The following GLIS3 variants were observed in gnomAD, a reference collection of about 807,000 sequenced individuals.
GLIS3 encodes zinc finger protein GLIS3.
GLIS3 carries 53 observed loss-of-function variants against 78.6 expected under a neutral mutation model. The ratio of observed to expected loss-of-function variants is 0.67; its 90% CI spans 0.54 to 0.85. GLIS3 has a LOEUF of 0.85. Among genes scored for constraint, GLIS3 ranks in the 40% least tolerant of loss-of-function variants. GLIS3 has a pLI of 0.00. For missense variants in GLIS3, 1,703 were observed against 1,231.1 expected, an observed-to-expected ratio of 1.38 and a Z score of -5.74; for synonymous variants, 684 against 509.9, an observed-to-expected ratio of 1.34 and a Z score of -4.60.
intron 4 of GLIS3, among the ~76,000 whole-genome samples, chr9:4,029,508 G>C (rs1453777872): frequency 6.6e-6 from 1 of 152,112 alleles, no homozygotes; most frequent in South Asian, 2.1e-4. Context: ...ATTGACTATG[G>C]TGACACCGTG....
At chr9:3,896,670 T>TAATTAAAAAAAAAA (rs756694471) in intron 7 of GLIS3, among the ~76,000 whole-genome samples, 1 of 49,982 alleles carries the variant, frequency 2.0e-5, no homozygotes, top group Admixed American at 3.6e-4. Flanking sequence ...CCATCTCAAT[T>TAATTAAAAAAAAAA]AAAAAAAAAA....
intron 2 of GLIS3, among the ~76,000 whole-genome samples, chr9:4,274,782 G>A (rs1826835947): frequency 6.6e-6 from 1 of 152,174 alleles, no homozygotes; most frequent in African/African-American, 2.4e-5. Flanking sequence ...CTGTGCACAT[G>A]AATCACCTGG....
chr9:3,944,307 A>G (rs1816142740), intron 4 of GLIS3, among the ~76,000 whole-genome samples: 1 of 152,252 alleles, frequency 6.6e-6, no homozygotes, highest in Admixed American at 6.5e-5. Flanking sequence ...GTTTGTAACA[A>G]TCGAAAGGTT....
At chr9:4,332,557 G>T (rs1464267434) in intron 2 of GLIS3, among the ~76,000 whole-genome samples, 1 of 152,212 alleles carries the variant, frequency 6.6e-6, no homozygotes, top group Non-Finnish European at 1.5e-5. Flanking sequence ...CACCCAGATG[G>T]AAGCTCCACA....
chr9:4,113,329 T>A (rs927904826), intron 4 of GLIS3, among the ~76,000 whole-genome samples: 1 of 152,174 alleles, frequency 6.6e-6, no homozygotes, highest in African/African-American at 2.4e-5. Flanking sequence ...TGCCACCATA[T>A]ACAAAAGCTT....
chr9:3,869,266 G>GGGGT (rs374383073), intron 8 of GLIS3, among the ~76,000 whole-genome samples: 2 of 151,146 alleles, frequency 1.3e-5, no homozygotes, highest in African/African-American at 4.9e-5. Flanking sequence ...AATTATCTAG[G>GGGGT]GTGTGTGTGT....
intron 2 of GLIS3, among the ~76,000 whole-genome samples, chr9:4,223,363 T>A (rs1049995726): frequency 1.4e-4 from 21 of 152,176 alleles, no homozygotes; most frequent in African/African-American, 4.6e-4. Context: ...ATATTTACAT[T>A]CTACGATTCA....
the GLIS3 span, among the ~76,000 whole-genome samples, chr9:4,390,222 T>C: frequency 6.0e-4 from 92 of 152,372 alleles, no homozygotes; most frequent in East Asian, 0.015. Flanking sequence ...GCAGCTGAAG[T>C]ATGCAATCAC....
At chr9:4,120,750 T>C (rs1166135663) in intron 3 of GLIS3, among the ~76,000 whole-genome samples, 1 of 152,244 alleles carries the variant, frequency 6.6e-6, no homozygotes, top group Non-Finnish European at 1.5e-5. Context: ...CCTGAATGGA[T>C]GCACATTCTC....
chr9:4,184,138 A>G (rs1165969831), intron 2 of GLIS3, among the ~76,000 whole-genome samples: 1 of 152,230 alleles, frequency 6.6e-6, no homozygotes, highest in Non-Finnish European at 1.5e-5. Flanking sequence ...ATTTACATAT[A>G]ATTAATCACA....
intron 2 of GLIS3, among the ~76,000 whole-genome samples, chr9:4,269,782 G>T (rs555437152): frequency 2.0e-5 from 3 of 151,954 alleles, no homozygotes; most frequent in East Asian, 3.8e-4. Flanking sequence ...TAATAAAGAG[G>T]GTAAAAAAAT....
intron 2 of GLIS3, among the ~76,000 whole-genome samples, chr9:4,196,906 G>C (rs549268554): frequency 6.6e-6 from 1 of 152,144 alleles, no homozygotes; most frequent in East Asian, 1.9e-4. Flanking sequence ...CTGTTCCCCT[G>C]AGATCATGGT....
At chr9:4,274,254 T>C (rs1826788762) in intron 2 of GLIS3, among the ~76,000 whole-genome samples, 1 of 152,184 alleles carries the variant, frequency 6.6e-6, no homozygotes, top group African/African-American at 2.4e-5. Flanking sequence ...ACATAATTTG[T>C]GGGGACCAGT....
At chr9:4,152,052 A>C (rs983487728) in intron 2 of GLIS3, 1 of 691,190 alleles carries the variant, frequency 1.4e-6, no homozygotes, top group Non-Finnish European at 1.8e-6. Context: ...AAACCCTCCC[A>C]GTCTCATATC....
At chr9:4,216,280 G>A (rs1418233684) in intron 2 of GLIS3, among the ~76,000 whole-genome samples, 5 of 151,872 alleles carry the variant, frequency 3.3e-5, no homozygotes, top group Non-Finnish European at 5.9e-5. Context: ...AGACCATCCT[G>A]GCTAACATGG....
At chr9:4,053,873 C>G (rs1413299104) in intron 4 of GLIS3, among the ~76,000 whole-genome samples, 1 of 152,058 alleles carries the variant, frequency 6.6e-6, no homozygotes, top group African/African-American at 2.4e-5. Context: ...TTGCACAGAC[C>G]ATCAAACACG....
the GLIS3 span, among the ~76,000 whole-genome samples, chr9:4,388,782 G>A: frequency 1.3e-5 from 2 of 152,174 alleles, no homozygotes; most frequent in African/African-American, 4.8e-5. Flanking sequence ...AGTCCCAGAA[G>A]AAAGAGAGTA....
intron 2 of GLIS3, among the ~76,000 whole-genome samples, chr9:4,168,592 G>T (rs1816092242): frequency 6.6e-6 from 1 of 151,880 alleles, no homozygotes; most frequent in Non-Finnish European, 1.5e-5. Context: ...CTAAACAAAG[G>T]CTGATACTCA....
intron 2 of GLIS3, among the ~76,000 whole-genome samples, chr9:4,279,026 G>A (rs1234697543): frequency 6.6e-6 from 1 of 152,168 alleles, no homozygotes; most frequent in Non-Finnish European, 1.5e-5. Context: ...GCGTGGCTGG[G>A]CACGGTGGCT....
Sources: allele counts gnomAD v4.1 joint callset (sites outside exome capture counted in the v4.1 genomes callset), GRCh38; gene constraint gnomAD v4.1.1; transcripts MANE v1.5; gene names NCBI Gene and HGNC (gene_info 2026-07-23, HGNC 2026-07-21).